The following AGBL4 variants were observed in gnomAD, a reference collection of about 807,000 sequenced individuals.
AGBL4 encodes cytosolic carboxypeptidase 6.
Under a neutral mutation model 66.4 loss-of-function variants are expected in AGBL4, and 58 were observed. That is an observed-to-expected ratio of 0.87 (90% CI 0.71 to 1.09). The LOEUF (loss-of-function observed/expected upper bound fraction) is 1.09. Among genes scored for constraint, AGBL4 ranks in the 50% least tolerant of loss-of-function variants. The pLI, the probability that AGBL4 is intolerant of heterozygous loss-of-function variation, is 0.00. For synonymous variants in AGBL4, 234 were observed against 222.9 expected, an observed-to-expected ratio of 1.05 and a Z score of -0.44; for missense variants, 579 against 631.0, an observed-to-expected ratio of 0.92 and a Z score of 0.88.
intron 6 of AGBL4, among the ~76,000 whole-genome samples, chr1:48,739,046 C>A (rs11205533): frequency 0.34 from 51,208 of 151,992 alleles, 9,862 homozygotes; most frequent in East Asian, 0.73. Flanking sequence ...GCTGCCACCA[C>A]GGTGGTACTG....
chr1:48,714,281 C>T, intron 6 of AGBL4, among the ~76,000 whole-genome samples: 1 of 152,134 alleles, frequency 6.6e-6, no homozygotes, highest in East Asian at 1.9e-4. Flanking sequence ...CCTATCAGAA[C>T]AAATATTTCT....
At chr1:49,936,480 C>G (rs1489239545) in intron 1 of AGBL4, among the ~76,000 whole-genome samples, 1 of 152,102 alleles carries the variant, frequency 6.6e-6, no homozygotes, top group East Asian at 1.9e-4. Context: ...TCAGGAAATA[C>G]AGAGAACGCC....
chr1:49,684,537 T>G (rs1268035064), intron 3 of AGBL4, among the ~76,000 whole-genome samples: 1 of 152,136 alleles, frequency 6.6e-6, no homozygotes, highest in Non-Finnish European at 1.5e-5. Context: ...ATTAGTTTTC[T>G]TCATAAACAA....
chr1:49,952,128 T>A (rs1656211921), intron 1 of AGBL4, among the ~76,000 whole-genome samples: 1 of 151,828 alleles, frequency 6.6e-6, no homozygotes, highest in Non-Finnish European at 1.5e-5. Context: ...CCACTGAATT[T>A]CACACCTAAA....
At chr1:48,704,166 C>G (rs1272577664) in intron 6 of AGBL4, among the ~76,000 whole-genome samples, 5 of 152,196 alleles carry the variant, frequency 3.3e-5, no homozygotes, top group African/African-American at 1.2e-4. Flanking sequence ...AAAAAGTGAT[C>G]TATCTAGACA....
chr1:49,018,081 G>T (rs967993031), intron 5 of AGBL4, among the ~76,000 whole-genome samples: 1 of 152,166 alleles, frequency 6.6e-6, no homozygotes, highest in Non-Finnish European at 1.5e-5. Context: ...AAGGGACCAG[G>T]TAGGAAGTAG....
At chr1:49,940,739 A>G (rs1333955553) in intron 1 of AGBL4, among the ~76,000 whole-genome samples, 10 of 152,096 alleles carry the variant, frequency 6.6e-5, no homozygotes. Flanking sequence ...ATTAGGAGAT[A>G]TACCTAATGC....
In AGBL4 at chr1:49,771,258, A is replaced by T. The variant is rs151258014; in HGVS notation, c.158-73821T>A. Among the ~76,000 whole-genome samples the T allele has an allele frequency of 2.6e-3, 397 of 152,038 alleles. 2 individuals are homozygous for T. The highest frequency in any genetic ancestry group is 0.018 in the South Asian group (88 of 4,822). On this transcript the variant is annotated intron_variant, in intron 2 of 13. Coordinates refer to ENST00000371839, the MANE Select transcript of AGBL4 (RefSeq NM_032785.4). ...TACATTTTAATTTATTCATTGGCCC[A>T]TTGGTTATTTGGAGGCACGTTGTTT...
chr1:49,703,261 A>AT (rs1205288737), intron 2 of AGBL4, among the ~76,000 whole-genome samples: 1 of 152,084 alleles, frequency 6.6e-6, no homozygotes, highest in Non-Finnish European at 1.5e-5. Flanking sequence ...TAAAATCCAT[A>AT]TACAAAATCA....
chr1:48,908,356 G>GC (rs1330807699), intron 5 of AGBL4, among the ~76,000 whole-genome samples: 5 of 152,074 alleles, frequency 3.3e-5, no homozygotes, highest in African/African-American at 4.8e-5. Flanking sequence ...AACCAATACA[G>GC]CATCTTTTCT....
At chr1:48,931,818 T>G (rs1655060669) in intron 5 of AGBL4, among the ~76,000 whole-genome samples, 1 of 152,150 alleles carries the variant, frequency 6.6e-6, no homozygotes, top group South Asian at 2.1e-4. Context: ...CTCTGTGGCA[T>G]TTTTTTCTTC....
chr1:48,695,995 A>C (rs17104670), intron 6 of AGBL4, among the ~76,000 whole-genome samples: 3,207 of 152,178 alleles, frequency 0.021, 100 homozygotes, highest in African/African-American at 0.071. Context: ...CTCTGGTTGA[A>C]GGGCCTTCTC....
intron 6 of AGBL4, among the ~76,000 whole-genome samples, chr1:48,725,746 G>C (rs1421591007): frequency 6.6e-6 from 1 of 152,064 alleles, no homozygotes; most frequent in Non-Finnish European, 1.5e-5. Context: ...CATTTGTATG[G>C]GTGTAAGAAT....
At chr1:49,931,299 G>C (rs1471191041) in intron 1 of AGBL4, among the ~76,000 whole-genome samples, 1 of 152,108 alleles carries the variant, frequency 6.6e-6, no homozygotes, top group Non-Finnish European at 1.5e-5. Context: ...AAAGAATATT[G>C]TTAAGATAGT....
intron 4 of AGBL4, among the ~76,000 whole-genome samples, chr1:49,203,638 T>C (rs1007177379): frequency 1.3e-5 from 2 of 152,116 alleles, no homozygotes; most frequent in South Asian, 2.1e-4. Context: ...TGTTGTTTAA[T>C]GGTTTAAGAG....
At chr1:48,641,043 T>C (rs1645747119) in intron 8 of AGBL4, among the ~76,000 whole-genome samples, 1 of 152,148 alleles carries the variant, frequency 6.6e-6, no homozygotes, top group African/African-American at 2.4e-5. Context: ...TAAGGAGCAG[T>C]GGCATTGACA....
intron 9 of AGBL4, among the ~76,000 whole-genome samples, chr1:48,612,515 T>G (rs1477234473): frequency 1.3e-5 from 2 of 152,210 alleles, no homozygotes; most frequent in African/African-American, 4.8e-5. Flanking sequence ...GAGGCTTCTT[T>G]CTACAGTCTT....
chr1:49,757,489 T>G (rs894287804), intron 2 of AGBL4, among the ~76,000 whole-genome samples: 1 of 152,126 alleles, frequency 6.6e-6, no homozygotes, highest in Admixed American at 6.5e-5. Context: ...TAGAGACTTG[T>G]AGGGCTCAGA....
chr1:49,488,219 A>C (rs1183992909), intron 3 of AGBL4, among the ~76,000 whole-genome samples: 2 of 151,834 alleles, frequency 1.3e-5, no homozygotes, highest in African/African-American at 4.8e-5. Context: ...TCTCCCCAGA[A>C]AACCATTCTT....
Sources: allele counts gnomAD v4.1 joint callset (sites outside exome capture counted in the v4.1 genomes callset), GRCh38; gene constraint gnomAD v4.1.1; transcripts MANE v1.5; gene names NCBI Gene and HGNC (gene_info 2026-07-23, HGNC 2026-07-21).